The following ST7 variants were observed in gnomAD, a reference collection of about 807,000 sequenced individuals.
ST7 encodes suppression of tumorigenicity 7.
A neutral mutation model predicts 78.7 loss-of-function variants in ST7; 28 were observed. The observed-to-expected ratio is 0.36, with a 90% CI of 0.26 to 0.49. ST7 has a LOEUF of 0.49. ST7 is among the 20% of genes least tolerant of loss of function. The pLI, the probability that ST7 is intolerant of heterozygous loss-of-function variation, is 0.99. For missense variants in ST7, 418 were observed against 696.0 expected (o/e 0.60, Z 4.49); for synonymous variants, 247 against 249.6 (o/e 0.99, Z 0.10).
At chr7:116,974,427 G>A (rs546143288) in intron 1 of ST7, among the ~76,000 whole-genome samples, 7 of 152,044 alleles carry the variant, frequency 4.6e-5, no homozygotes, top group Non-Finnish European at 2.9e-5. Flanking sequence ...AAGTAGCTGG[G>A]ACTACAGGCA....
chr7:116,954,003 G>C (rs904022081), intron 1 of ST7: 1 of 151,726 alleles, frequency 6.6e-6, no homozygotes, highest in African/African-American at 2.4e-5. Context: ...GGAGAAGAAC[G>C]GGTGTCGCGG....
Position 117,164,983 on chromosome 7 carries a change from G to C in ST7, c.964-5879G>C, listed in dbSNP as rs142097165. ...GTGGCATTTGATCTGGGCTTTGGAG[G>C]GTGGGGTGATTTTGACAGGCTGCCT... On this transcript the variant is annotated intron_variant, in intron 9 of 15. Transcript: ENST00000323984. Among the ~76,000 whole-genome samples the C allele has an allele frequency of 4.5e-3, 687 of 152,194 alleles. 6 individuals are homozygous for C. Among genetic ancestry groups the C allele is most frequent in the African/African-American group, 0.015 (633 of 41,532 alleles).
chr7:116,965,339 CA>C (rs975151437), intron 1 of ST7, among the ~76,000 whole-genome samples: 2,140 of 50,284 alleles, frequency 0.043, 18 homozygotes, highest in African/African-American at 0.11. Context: ...GACTCCGTCT[CA>C]AAAAAAAAAA....
At chr7:117,206,612 G>A (rs1331717291) in intron 12 of ST7, among the ~76,000 whole-genome samples, 1 of 152,126 alleles carries the variant, frequency 6.6e-6, no homozygotes, top group Non-Finnish European at 1.5e-5. Flanking sequence ...TAAGCCATCC[G>A]TCTCACACAC....
At chr7:117,175,776 A>G (rs1808303955) in intron 10 of ST7, among the ~76,000 whole-genome samples, 1 of 152,224 alleles carries the variant, frequency 6.6e-6, no homozygotes, top group African/African-American at 2.4e-5. Context: ...ACACAGTAAG[A>G]GTTCAGATAT....
chr7:117,022,988 C>G (rs1796001982), intron 1 of ST7: 1 of 152,188 alleles, frequency 6.6e-6, no homozygotes, highest in Non-Finnish European at 1.5e-5. Context: ...TATTTCCCCT[C>G]TTCATGAAAA....
chr7:117,151,122 T>C (rs1323068316), intron 9 of ST7, among the ~76,000 whole-genome samples: 4 of 152,242 alleles, frequency 2.6e-5, no homozygotes, highest in Admixed American at 2.6e-4. Flanking sequence ...CTGTCGCCTG[T>C]ATAGAGTCCA....
At chr7:117,071,124 C>A (rs944581596) in intron 1 of ST7, among the ~76,000 whole-genome samples, 29 of 152,010 alleles carry the variant, frequency 1.9e-4, no homozygotes, top group Non-Finnish European at 2.6e-4. Flanking sequence ...GAGGCTGAGA[C>A]AGGAGAATGG....
intron 1 of ST7, among the ~76,000 whole-genome samples, chr7:116,957,806 TG>T: frequency 6.6e-6 from 1 of 152,376 alleles, no homozygotes. Flanking sequence ...TAAAGTTTTT[TG>T]CTGCTGAATT....
intron 12 of ST7, among the ~76,000 whole-genome samples, chr7:117,206,835 C>T (rs1343910233): frequency 6.6e-6 from 1 of 152,082 alleles, no homozygotes; most frequent in African/African-American, 2.4e-5. Context: ...GATGAAAAAC[C>T]ATTGTCCACA....
intron 1 of ST7, among the ~76,000 whole-genome samples, chr7:117,002,158 G>A (rs540239813): frequency 1.6e-3 from 249 of 152,282 alleles, no homozygotes; most frequent in Middle Eastern, 3.4e-3. Flanking sequence ...AACCTGGGAT[G>A]TGGAGGTTGC....
intron 2 of ST7, among the ~76,000 whole-genome samples, chr7:117,106,642 T>C (rs1320208770): frequency 7.1e-6 from 1 of 141,080 alleles, no homozygotes; most frequent in African/African-American, 2.6e-5. Context: ...TTTTTTTGAG[T>C]TGGAGTCTTG....
intron 1 of ST7, among the ~76,000 whole-genome samples, chr7:117,034,403 A>C (rs1443832557): frequency 6.6e-6 from 1 of 152,168 alleles, no homozygotes; most frequent in African/African-American, 2.4e-5. Context: ...AAAATCTATG[A>C]TGTGGGAGGG....
At chr7:117,158,392 AGT>A (rs1413718474) in intron 9 of ST7, among the ~76,000 whole-genome samples, 3 of 152,194 alleles carry the variant, frequency 2.0e-5, no homozygotes, top group African/African-American at 7.2e-5. Context: ...TGACAGGAAA[AGT>A]AGATAATTAT....
intron 9 of ST7, among the ~76,000 whole-genome samples, chr7:117,159,665 T>G (rs940053818): frequency 6.6e-6 from 1 of 152,190 alleles, no homozygotes; most frequent in African/African-American, 2.4e-5. Context: ...AAGTATTTAT[T>G]TGGTACATTA....
At chr7:116,998,479 G>A (rs539814363) in intron 1 of ST7, among the ~76,000 whole-genome samples, 10 of 152,362 alleles carry the variant, frequency 6.6e-5, no homozygotes, top group South Asian at 4.1e-4. Context: ...CCCCTCAAGC[G>A]CGGCCAGAGT....
At chr7:117,229,672 A>G (rs1434965579) in intron 15 of ST7, 90 bp from the exon 16 acceptor site, 8 of 1,037,534 alleles carry the variant, frequency 7.7e-6, no homozygotes, top group Non-Finnish European at 9.9e-6. Flanking sequence ...TAATGCAGAG[A>G]CTTAAGCTGC....
intron 13 of ST7, among the ~76,000 whole-genome samples, chr7:117,216,117 C>T (rs911759360): frequency 6.6e-6 from 1 of 152,108 alleles, no homozygotes; most frequent in African/African-American, 2.4e-5. Context: ...CTGACGGGAA[C>T]AGCACTGATA....
intron 12 of ST7, among the ~76,000 whole-genome samples, chr7:117,194,934 A>G (rs1453762077): frequency 6.6e-6 from 1 of 152,188 alleles, no homozygotes; most frequent in Non-Finnish European, 1.5e-5. Flanking sequence ...GCGAGGAGAC[A>G]CATTTTTGTT....
Sources: gnomAD v4.1 joint callset for allele counts (sites outside exome capture counted in the v4.1 genomes callset) on GRCh38, gnomAD v4.1.1 for gene constraint, MANE v1.5 for transcripts, NCBI Gene and HGNC (gene_info 2026-07-23, HGNC 2026-07-21) for gene names.